EPHB1: variants seen among roughly 807,000 people sequenced by gnomAD.
The protein encoded by EPHB1 is ephrin type-B receptor 1.
In EPHB1, 30 loss-of-function variants were observed where a neutral mutation model predicts 94.4. The ratio of observed to expected loss-of-function variants is 0.32; its 90% confidence interval spans 0.24 to 0.43. The LOEUF (loss-of-function observed/expected upper bound fraction) is 0.43, where lower values mean the gene tolerates loss of function less well. Among genes scored for constraint, EPHB1 ranks in the 20% least tolerant of loss-of-function variants. EPHB1 has a pLI of 1.00. For synonymous variants in EPHB1, 522 were observed against 489.1 expected, an observed-to-expected ratio of 1.07 and a Z score of -0.89; for missense variants, 1,055 against 1,308.3, an observed-to-expected ratio of 0.81 and a Z score of 2.99.
intron 5 of EPHB1, among the ~76,000 whole-genome samples, chr3:135,153,627 A>G (rs892701302): frequency 2.6e-5 from 4 of 152,172 alleles, no homozygotes; most frequent in Non-Finnish European, 5.9e-5. Context: ...TTAAAGTATA[A>G]TAAAATCTAA....
At chr3:135,204,272 C>T (rs971935793) in intron 12 of EPHB1, among the ~76,000 whole-genome samples, 5 of 152,202 alleles carry the variant, frequency 3.3e-5, no homozygotes, top group East Asian at 1.9e-4. Context: ...GGCATGATCT[C>T]GGCTCACTGC....
intron 3 of EPHB1, among the ~76,000 whole-genome samples, chr3:135,051,995 T>G (rs781771682): frequency 1.3e-5 from 2 of 152,204 alleles, no homozygotes; most frequent in Admixed American, 6.5e-5. Context: ...AAAATCTACT[T>G]CTGTAGGTCA....
At chr3:134,912,529 T>G (rs894230801) in intron 1 of EPHB1, among the ~76,000 whole-genome samples, 5 of 152,240 alleles carry the variant, frequency 3.3e-5, no homozygotes, top group Non-Finnish European at 1.5e-5. Flanking sequence ...TTTCCTGGCC[T>G]CTGCCTCTCT....
rs183905706 is a variant in EPHB1 at position 135,037,371 on chromosome 3, G to A, written c.806-69077G>A. 1.5e-4 allele frequency among the ~76,000 whole-genome samples: 23 copies of A among 152,314 alleles called. No individual in the cohort carries two copies. The South Asian group carries it at 3.1e-3, about 21-fold the overall frequency. On this transcript the variant is annotated intron_variant, in intron 3 of 15. Coordinates refer to ENST00000398015, the MANE Select transcript of EPHB1 (RefSeq NM_004441.5). ...AGGAGGTTCAAATCCTCAGGGAGACGTCCCTTGAGGACAAATGCTTTGTAC... is the reference window on the plus strand; with the variant it reads ...AGGAGGTTCAAATCCTCAGGGAGACATCCCTTGAGGACAAATGCTTTGTAC...
chr3:135,136,344 A>G (rs751297441), intron 5 of EPHB1, among the ~76,000 whole-genome samples: 34 of 152,180 alleles, frequency 2.2e-4, no homozygotes, highest in Non-Finnish European at 4.1e-4. Context: ...CCAATTATGT[A>G]TATAGTCATG....
At chr3:135,238,069 G>T (rs937304082) in intron 12 of EPHB1, among the ~76,000 whole-genome samples, 22 of 152,284 alleles carry the variant, frequency 1.4e-4, no homozygotes, top group Non-Finnish European at 2.4e-4. Context: ...GTCAATAATT[G>T]ATATTGATAT....
At chr3:135,186,565 C>T (rs559085296) in intron 10 of EPHB1, among the ~76,000 whole-genome samples, 1 of 152,136 alleles carries the variant, frequency 6.6e-6, no homozygotes, top group Admixed American at 6.5e-5. Flanking sequence ...CCCCCCAAGG[C>T]AGTTTTTGAC....
At chr3:135,171,962 A>T (rs1251314700) in intron 9 of EPHB1, among the ~76,000 whole-genome samples, 5 of 152,228 alleles carry the variant, frequency 3.3e-5, no homozygotes, top group Admixed American at 6.5e-5. Flanking sequence ...TGTGGTCTCG[A>T]TAAGGGTTCA....
chr3:134,953,436 A>T (rs1490287589), intron 3 of EPHB1, among the ~76,000 whole-genome samples: 1 of 152,248 alleles, frequency 6.6e-6, no homozygotes. Flanking sequence ...TCTTAGATCC[A>T]CTGATGCATC....
intron 11 of EPHB1, among the ~76,000 whole-genome samples, chr3:135,193,692 C>T (rs1438293599): frequency 6.6e-6 from 1 of 152,190 alleles, no homozygotes; most frequent in African/African-American, 2.4e-5. Flanking sequence ...AGCAACCAAA[C>T]AATAGCTGTG....
intron 3 of EPHB1, among the ~76,000 whole-genome samples, chr3:135,065,568 T>C (rs1937570451): frequency 1.3e-5 from 2 of 152,224 alleles, no homozygotes; most frequent in Non-Finnish European, 2.9e-5. Context: ...TAAGTTTTAG[T>C]TATATGAGTC....
chr3:134,851,678 T>G (rs527819483), intron 1 of EPHB1, among the ~76,000 whole-genome samples: 11 of 152,246 alleles, frequency 7.2e-5, no homozygotes, highest in Admixed American at 2.0e-4. Flanking sequence ...CATTTTCCGC[T>G]GCCTGACAAA....
At chr3:135,161,546 A>G (rs1055478384) in intron 6 of EPHB1, among the ~76,000 whole-genome samples, 1 of 152,150 alleles carries the variant, frequency 6.6e-6, no homozygotes, top group Admixed American at 6.5e-5. Flanking sequence ...CACTTTGGAG[A>G]GTGTCTAGGG....
intron 1 of EPHB1, among the ~76,000 whole-genome samples, chr3:134,903,318 C>T (rs927601173): frequency 2.0e-5 from 3 of 152,134 alleles, no homozygotes; most frequent in African/African-American, 7.2e-5. Flanking sequence ...TCCCCTGAAG[C>T]TTTAGGGTAG....
intron 12 of EPHB1, among the ~76,000 whole-genome samples, chr3:135,237,888 T>C (rs1050047614): frequency 1.3e-5 from 2 of 152,170 alleles, no homozygotes; most frequent in South Asian, 2.1e-4. Context: ...AAGCTCCTCA[T>C]GCAGCAGCAG....
At chr3:134,994,120 G>A (rs190784252) in intron 3 of EPHB1, among the ~76,000 whole-genome samples, 1 of 152,260 alleles carries the variant, frequency 6.6e-6, no homozygotes, top group African/African-American at 2.4e-5. Context: ...CTGTTTACTT[G>A]TCTATCTCCC....
chr3:135,126,250 C>T lies in EPHB1; in HGVS notation c.962-6464C>T, dbSNP rs146505461. On this transcript the variant is annotated intron_variant, in intron 4 of 15. Coordinates refer to ENST00000398015, the MANE Select transcript of EPHB1 (RefSeq NM_004441.5). ...TCCAAACTACAATCTTGAATCTTCT[C>T]AGCCATGGAGAACATTACATTTGTT... Among the ~76,000 whole-genome samples the T allele has an allele frequency of 9.2e-5, 14 of 152,302 alleles. No individual in the cohort carries two copies. The East Asian group carries it at 1.5e-3, about 17-fold the overall frequency.
chr3:135,149,974 A>G (rs183623582), intron 5 of EPHB1, among the ~76,000 whole-genome samples: 17 of 152,292 alleles, frequency 1.1e-4, no homozygotes, highest in Middle Eastern at 3.4e-3. Flanking sequence ...CCTCTTTACC[A>G]TCTGACCCCA....
At chr3:135,097,810 G>A (rs1938861015) in intron 3 of EPHB1, among the ~76,000 whole-genome samples, 2 of 152,202 alleles carry the variant, frequency 1.3e-5, no homozygotes. Flanking sequence ...TGCCCAGGAT[G>A]ATGTAGAAGT....
Sources: allele counts gnomAD v4.1 joint callset (sites outside exome capture counted in the v4.1 genomes callset), GRCh38; gene constraint gnomAD v4.1.1; transcripts MANE v1.5; gene names NCBI Gene and HGNC (gene_info 2026-07-23, HGNC 2026-07-21).